FAM184B: variants seen among roughly 807,000 people sequenced by gnomAD.
FAM184B encodes the protein family with sequence similarity 184 member B.
A neutral mutation model predicts 135.9 loss-of-function variants in FAM184B; 111 were observed. That is an observed-to-expected ratio of 0.82 (90% CI 0.70 to 0.96). The LOEUF (loss-of-function observed/expected upper bound fraction) is 0.96, where lower values mean the gene tolerates loss of function less well. Ranked by LOEUF, FAM184B falls within the 40% of genes least tolerant of loss-of-function variation. The pLI is 0.00. For missense variants in FAM184B, 1,375 were observed against 1,323.9 expected (o/e 1.04, Z -0.60); for synonymous variants, 552 against 524.8 (o/e 1.05, Z -0.71).
chr4:17,692,118 T>C (rs1716750690), intron 6 of FAM184B, among the ~76,000 whole-genome samples: 1 of 150,224 alleles, frequency 6.7e-6, no homozygotes, highest in South Asian at 2.1e-4. Flanking sequence ...AGCTCTGCAG[T>C]GAGGAGTGGT....
intron 7 of FAM184B, among the ~76,000 whole-genome samples, chr4:17,674,188 A>G (rs1407618821): frequency 6.6e-6 from 1 of 152,166 alleles, no homozygotes; most frequent in African/African-American, 2.4e-5. Flanking sequence ...AAAAGTTAAA[A>G]GACAAAAGTA....
chr4:17,740,663 GT>G (rs1208783137), intron 1 of FAM184B, among the ~76,000 whole-genome samples: 2 of 152,190 alleles, frequency 1.3e-5, no homozygotes, highest in African/African-American at 4.8e-5. Flanking sequence ...AAGAGTGGCA[GT>G]TGCCCAGTTG....
intron 4 of FAM184B, 133 bp downstream of exon 4, chr4:17,705,619 A>G: frequency 9.1e-7 from 1 of 1,095,906 alleles, no homozygotes; most frequent in Non-Finnish European, 1.3e-6. Flanking sequence ...CTGGAATTCT[A>G]CTCCAGGAAC....
Position 17,636,641 on chromosome 4 carries a change from T to A in FAM184B, c.2671A>T (p.Lys891Ter). Residue 891 changes from lysine to a stop codon, truncating the protein, a stop_gained, in exon 15 of 18, where the codon AAA (lysine) becomes TAA (stop). Transcript: ENST00000265018. LOFTEE classifies it high-confidence loss of function. ...ARLAALEAEL[K>*]DSGEKPGKGA... The stretch of plus-strand genomic sequence containing the variant: ...TTCCCTGGCTTCTCTCCGGAATCTT[T>A]CAGTCTGTTCCAAGCAGGCATGCAG... The A allele has an allele frequency of 6.5e-7, 1 of 1,548,358 alleles. No individual in the cohort carries two copies. Among genetic ancestry groups the A allele is most frequent in the Non-Finnish European group, 8.7e-7 (1 of 1,146,028 alleles).
intron 1 of FAM184B, among the ~76,000 whole-genome samples, chr4:17,711,549 G>C (rs571748692): frequency 5.5e-4 from 83 of 151,844 alleles, no homozygotes; most frequent in African/African-American, 1.9e-3. Context: ...TGTGGTCTCA[G>C]TTACTTGGGA....
At chr4:17,653,240 A>G (rs1422322030) in intron 10 of FAM184B, among the ~76,000 whole-genome samples, 1 of 152,212 alleles carries the variant, frequency 6.6e-6, no homozygotes, top group Non-Finnish European at 1.5e-5. Flanking sequence ...AAGTTCCTTT[A>G]ATGTAAATTT....
Position 17,781,228 on chromosome 4 carries a change from G to C in FAM184B, c.72C>G (p.Ala24=). The C allele has an allele frequency of 1.3e-6, 2 of 1,550,968 alleles. No individual in the cohort carries two copies. Among genetic ancestry groups the C allele is most frequent in the Non-Finnish European group, 1.7e-6 (2 of 1,146,652 alleles). The part of the protein sequence containing the change: ...TCQGSKADGG[A]GWRMDCDPQM... ...GGGGATCACAGTCCATTCTCCAGCC[G>C]GCGCCACCGTCGGCTTTGGAGCCCT... The change falls in exon 1 of 18, where the codon GCC becomes GCG. Residue 24 remains alanine, a synonymous_variant. Coordinates refer to ENST00000265018, the MANE Select transcript of FAM184B (RefSeq NM_015688.2). This position sits in a 1 kb window ranked among gnomAD's most constrained non-coding sequence, Gnocchi z 6.5.
Position 17,630,473 on chromosome 4 carries a change from G to T in FAM184B, c.*2059C>A, listed in dbSNP as rs1714893125. On this transcript the variant is annotated 3_prime_UTR_variant, in exon 18 of 18. Coordinates refer to ENST00000265018, the MANE Select transcript of FAM184B (RefSeq NM_015688.2). The stretch of plus-strand genomic sequence containing the variant: ...GCAGGCACCCATTTCTGAAGAATGG[G>T]CCCTCCCCAGACTCCATATCTGCTG... 1 of 152,136 alleles carries T rather than the reference G, an allele frequency of 6.6e-6. No individual in the cohort carries two copies. The highest frequency in any genetic ancestry group is 2.1e-4 in the South Asian group (1 of 4,832). The allele number at this position is 152,136 out of a possible 1,614,324, so 9.4% of individuals were successfully genotyped here. A position where few individuals can be genotyped will look rare whatever the true frequency, so the allele number is the denominator to read the frequency against.
At chr4:17,718,190 A>C (rs996245830) in intron 1 of FAM184B, among the ~76,000 whole-genome samples, 1 of 152,212 alleles carries the variant, frequency 6.6e-6, no homozygotes, top group Admixed American at 6.5e-5. Flanking sequence ...TTAAGCACTT[A>C]ACCCTTCTTA....
chr4:17,714,694 G>A (rs1362054937), intron 1 of FAM184B, among the ~76,000 whole-genome samples: 1 of 152,112 alleles, frequency 6.6e-6, no homozygotes, highest in African/African-American at 2.4e-5. Flanking sequence ...AGTAAAATCA[G>A]CTAAAAGGAA....
intron 5 of FAM184B, among the ~76,000 whole-genome samples, chr4:17,699,909 T>C (rs912630548): frequency 1.3e-5 from 2 of 152,110 alleles, no homozygotes; most frequent in Admixed American, 6.5e-5. Flanking sequence ...ATAACAACTA[T>C]TGTACAAAGA....
chr4:17,774,942 G>GT (rs1263051086), intron 1 of FAM184B, among the ~76,000 whole-genome samples: 2 of 149,564 alleles, frequency 1.3e-5, no homozygotes, highest in Non-Finnish European at 3.0e-5. Context: ...TTCCTTAAAC[G>GT]TAAGATCAGC....
chr4:17,704,935 A>G (rs527502865), intron 5 of FAM184B, 65 bp downstream of exon 5: 2 of 1,405,494 alleles, frequency 1.4e-6, no homozygotes, highest in African/African-American at 1.5e-5. Flanking sequence ...GGAACAAAAA[A>G]GGAAAGAAAG....
intron 14 of FAM184B, 47 bp downstream of exon 14, chr4:17,639,203 A>G (rs1452438265): frequency 1.3e-6 from 2 of 1,539,522 alleles, no homozygotes; most frequent in Admixed American, 3.9e-5. Flanking sequence ...CACCCTACTG[A>G]ATGGTACATT....
intron 13 of FAM184B, among the ~76,000 whole-genome samples, chr4:17,639,898 G>A (rs1044091251): frequency 3.8e-4 from 57 of 151,008 alleles, no homozygotes; most frequent in Non-Finnish European, 6.5e-4. Flanking sequence ...GCACGATCTC[G>A]GCTCACTGCA....
At chr4:17,775,349 C>G (rs1005593273) in intron 1 of FAM184B, among the ~76,000 whole-genome samples, 17 of 152,058 alleles carry the variant, frequency 1.1e-4, no homozygotes, top group African/African-American at 4.1e-4. Context: ...CCACACCCAG[C>G]TAATTTTTTG....
rs891717443 is a variant in FAM184B at position 17,710,216 on chromosome 4, C to T, written c.142-572G>A. On this transcript the variant is annotated intron_variant, in intron 1 of 17. Coordinates refer to ENST00000265018, the MANE Select transcript of FAM184B (RefSeq NM_015688.2). ...GCACGCCCCTGTAATCCCAGCTACT[C>T]GGGAGGCTGAGGCAGGAGAATCACT... is the stretch of plus-strand genomic sequence containing the variant. 7.9e-5 allele frequency among the ~76,000 whole-genome samples: 12 copies of T among 151,868 alleles called. 1 individual carries two copies. Among genetic ancestry groups the T allele is most frequent in the African/African-American group, 1.2e-4 (5 of 41,308 alleles).
chr4:17,648,756 T>C (rs767062830), intron 11 of FAM184B, among the ~76,000 whole-genome samples: 5 of 152,062 alleles, frequency 3.3e-5, no homozygotes, highest in African/African-American at 7.2e-5. Flanking sequence ...CCCAGCAGGA[T>C]AGGGACTAAA....
In FAM184B at chr4:17,633,797, G is replaced by C; in HGVS notation, c.2981C>G (p.Ser994Cys). The C allele has an allele frequency of 1.3e-6, 2 of 1,551,614 alleles. No homozygotes were observed. Among genetic ancestry groups the C allele is most frequent in the Non-Finnish European group, 1.7e-6 (2 of 1,146,968 alleles). ...AGTTATTGGAGGGGCATTAATCCTG[G>C]AACTCAGATCGCCACTCAGAAAGTT... ...AKNFLSGDLS[S>C]RINAPPITTS... The change falls in exon 17 of 18, where the codon TCC (serine) becomes TGC (cysteine). Residue 994 changes from serine (S) to cysteine (C), a missense_variant. Physicochemically the swap from Ser to Cys is moderately radical, Grantham distance 112. Transcript: ENST00000265018.
Sources: gnomAD v4.1 joint callset for allele counts (sites outside exome capture counted in the v4.1 genomes callset) on GRCh38, gnomAD v4.1.1 for gene constraint, Gnocchi (gnomAD v3.1) non-coding constraint, MANE v1.5 for transcripts, NCBI Gene and HGNC (gene_info 2026-07-23, HGNC 2026-07-21) for gene names.